Variants in NCOA1 observed in about 807,000 individuals in gnomAD.
NCOA1 encodes nuclear receptor coactivator 1, also known as Hin-2 protein.
A neutral mutation model predicts 150.9 loss-of-function variants in NCOA1; 35 were observed. That is an observed-to-expected ratio of 0.23 (90% CI 0.18 to 0.31). The LOEUF is 0.31. Ranked by LOEUF, NCOA1 falls within the 10% of genes least tolerant of loss-of-function variation. The pLI, the probability that NCOA1 is intolerant of heterozygous loss-of-function variation, is 1.00. For missense variants in NCOA1, 1,491 were observed against 1,749.3 expected, an observed-to-expected ratio of 0.85 and a Z score of 2.63; for synonymous variants, 590 against 630.0, an observed-to-expected ratio of 0.94 and a Z score of 0.95.
At chr2:24,622,356 G>A (rs1406699674) in intron 3 of NCOA1, among the ~76,000 whole-genome samples, 2 of 152,248 alleles carry the variant, frequency 1.3e-5, no homozygotes, top group African/African-American at 4.8e-5. Context: ...TATCTACCTA[G>A]TAGACATCTG....
chr2:24,661,555 T>C (rs958599982), intron 5 of NCOA1, among the ~76,000 whole-genome samples: 1 of 152,188 alleles, frequency 6.6e-6, no homozygotes, highest in Non-Finnish European at 1.5e-5. Context: ...TCTTCTACTC[T>C]AAGGTTTTAA....
chr2:24,641,311 TTAATA>T lies in NCOA1; in HGVS notation c.-174-2652_-174-2648del, dbSNP rs1670205794. ...TAAACTCCACAATATTTTATATATT[TTAATA>T]TATTTTTGTATAATCACTTATCTTT... On this transcript the variant is annotated intron_variant, in intron 3 of 22. Transcript: ENST00000348332. Among the ~76,000 whole-genome samples, 4 of 151,420 alleles carry T rather than the reference TTAATA, an allele frequency of 2.6e-5. No individual in the cohort carries two copies. In the South Asian group the frequency reaches 8.3e-4, roughly 31 times the overall value.
intron 1 of NCOA1, among the ~76,000 whole-genome samples, chr2:24,526,189 A>G (rs982006206): frequency 1.3e-5 from 2 of 151,606 alleles, no homozygotes; most frequent in Non-Finnish European, 1.5e-5. Flanking sequence ...AATGGGTAAG[A>G]TGTGGTTCTA....
At chr2:24,498,647 G>A (rs1663325827) in intron 1 of NCOA1, among the ~76,000 whole-genome samples, 1 of 152,116 alleles carries the variant, frequency 6.6e-6, no homozygotes, top group Admixed American at 6.6e-5. Context: ...GTAATGCAGG[G>A]GAAAGTGCAA....
At chr2:24,514,814 A>C (rs972887606) in intron 1 of NCOA1, among the ~76,000 whole-genome samples, 12 of 152,180 alleles carry the variant, frequency 7.9e-5, no homozygotes, top group Admixed American at 7.2e-4. Flanking sequence ...TAAATAGATA[A>C]ATTTATATGG....
rs138688394 is a variant in NCOA1, at chr2:24,519,785, C to T, written c.-396+28183C>T. ...GAGGCTGCAGTGAGCTATGATGCCC[C>T]CAAAACAGAAAATTTAGTAGCAGTA... On this transcript the variant is annotated intron_variant, in intron 1 of 22. Coordinates refer to ENST00000348332, the MANE Select transcript of NCOA1 (RefSeq NM_003743.5). Among the ~76,000 whole-genome samples the T allele has an allele frequency of 1.7e-4, 25 of 151,344 alleles. No individual in the cohort carries two copies. In the East Asian group the frequency reaches 4.3e-3, roughly 26 times the overall value.
intron 18 of NCOA1, among the ~76,000 whole-genome samples, chr2:24,740,018 A>G (rs1413672551): frequency 6.6e-6 from 1 of 152,116 alleles, no homozygotes; most frequent in Non-Finnish European, 1.5e-5. Flanking sequence ...AAACATAAAA[A>G]GAACTAGGTG....
intron 1 of NCOA1, chr2:24,556,130 A>G (rs1048302000): frequency 2.0e-5 from 3 of 152,234 alleles, no homozygotes; most frequent in African/African-American, 7.2e-5. Context: ...TGCATTAGCT[A>G]TTTATTCTGA....
At chr2:24,764,250 T>C (rs1466764154) in intron 22 of NCOA1, among the ~76,000 whole-genome samples, 1 of 152,200 alleles carries the variant, frequency 6.6e-6, no homozygotes, top group African/African-American at 2.4e-5. Context: ...CAGGTCTTTC[T>C]ACCGCCAGAG....
chr2:24,736,796 C>A (rs1331595449), intron 17 of NCOA1, among the ~76,000 whole-genome samples: 2 of 152,176 alleles, frequency 1.3e-5, no homozygotes, highest in Admixed American at 6.5e-5. Context: ...GTCAGCAGTA[C>A]CTCCTCTCTT....
chr2:24,583,424 AGGG>A (rs1167380634), intron 2 of NCOA1, among the ~76,000 whole-genome samples: 2 of 152,164 alleles, frequency 1.3e-5, no homozygotes, highest in Admixed American at 6.5e-5. Context: ...TGTGGAGGAA[AGGG>A]CACTCATACA....
At chr2:24,500,579 A>G (rs1663419291) in intron 1 of NCOA1, among the ~76,000 whole-genome samples, 1 of 152,204 alleles carries the variant, frequency 6.6e-6, no homozygotes, top group Non-Finnish European at 1.5e-5. Context: ...TTTGTATTGC[A>G]GTAGAGATCA....
At chr2:24,680,082 C>A (rs1335368998) in intron 7 of NCOA1, among the ~76,000 whole-genome samples, 1 of 152,162 alleles carries the variant, frequency 6.6e-6, no homozygotes, top group Non-Finnish European at 1.5e-5. Flanking sequence ...ATCCTCATAT[C>A]TTGGCTATTG....
intron 1 of NCOA1, among the ~76,000 whole-genome samples, chr2:24,538,340 G>A (rs1352113384): frequency 3.3e-5 from 5 of 152,252 alleles, no homozygotes; most frequent in South Asian, 4.1e-4. Flanking sequence ...TTTTATTTTC[G>A]AGTAATTTTT....
intron 17 of NCOA1, among the ~76,000 whole-genome samples, chr2:24,735,295 G>A (rs1175657101): frequency 1.3e-5 from 2 of 152,056 alleles, no homozygotes; most frequent in African/African-American, 4.8e-5. Context: ...TTTGTAATCT[G>A]CTATTCATAA....
intron 1 of NCOA1, among the ~76,000 whole-genome samples, chr2:24,553,224 CTTT>C (rs1316810810): frequency 7.2e-6 from 1 of 138,106 alleles, no homozygotes. Flanking sequence ...CAAATGCCTT[CTTT>C]TTTTTTTTTT....
intron 3 of NCOA1, among the ~76,000 whole-genome samples, chr2:24,590,492 A>T (rs560307133): frequency 6.6e-6 from 1 of 152,218 alleles, no homozygotes; most frequent in East Asian, 1.9e-4. Context: ...TATTTTTTCA[A>T]ATCTTCTCAA....
chr2:24,544,047 G>A (rs966484043), intron 1 of NCOA1, among the ~76,000 whole-genome samples: 1 of 152,142 alleles, frequency 6.6e-6, no homozygotes, highest in Non-Finnish European at 1.5e-5. Flanking sequence ...ACAGTAGGAG[G>A]ATCATAAGGA....
At chr2:24,720,726 G>A (rs1376620174) in intron 14 of NCOA1, among the ~76,000 whole-genome samples, 1 of 152,146 alleles carries the variant, frequency 6.6e-6, no homozygotes, top group Non-Finnish European at 1.5e-5. Context: ...AAAGAAAAAA[G>A]ATGGGAACAA....
Sources: gnomAD v4.1 joint callset for allele counts (sites outside exome capture counted in the v4.1 genomes callset) on GRCh38, gnomAD v4.1.1 for gene constraint, MANE v1.5 for transcripts, NCBI Gene and HGNC (gene_info 2026-07-23, HGNC 2026-07-21) for gene names.